The following UGGT2 variants were observed in gnomAD, a reference collection of about 807,000 sequenced individuals.
UGGT2 encodes the protein UDP-glucose glycoprotein glucosyltransferase 2, also known as UDP-glucose:glycoprotein glucosyltransferase 2.
UGGT2 carries 180 observed loss-of-function variants against 192.1 expected under a neutral mutation model. The observed-to-expected ratio is 0.94, with a 90% CI of 0.83 to 1.06. The LOEUF is 1.06. Ranked by LOEUF, UGGT2 falls within the 50% of genes least tolerant of loss-of-function variation. The pLI is 0.00. For synonymous variants in UGGT2, 580 were observed against 591.0 expected (o/e 0.98, Z 0.27); for missense variants, 1,849 against 1,795.7 (o/e 1.03, Z -0.54).
chr13:96,051,978 G>A (rs1015986584), intron 1 of UGGT2, among the ~76,000 whole-genome samples: 3 of 152,100 alleles, frequency 2.0e-5, no homozygotes, highest in African/African-American at 4.8e-5. Context: ...CCACTACTAG[G>A]TATCTACCCA....
chr13:95,891,296 C>T (rs560868336), intron 24 of UGGT2, among the ~76,000 whole-genome samples: 3 of 152,130 alleles, frequency 2.0e-5, no homozygotes, highest in East Asian at 1.9e-4. Context: ...AGCTAAGATG[C>T]TTTTGTGTTA....
intron 1 of UGGT2, among the ~76,000 whole-genome samples, chr13:96,052,905 G>C (rs1490696449): frequency 6.6e-6 from 1 of 152,240 alleles, no homozygotes. Flanking sequence ...TATTAAAGCA[G>C]GGCAGGGAAG....
In UGGT2 at chr13:95,801,698, C is replaced by T. The variant is rs1884064910; in HGVS notation, c.*92G>A. 4 of 1,339,402 alleles carry T rather than the reference C, an allele frequency of 3.0e-6. No homozygotes were observed. In the South Asian group the frequency reaches 5.2e-5, roughly 17 times the overall value. The allele number at this position is 1,339,402 out of a possible 1,614,324, so 83.0% of individuals were successfully genotyped here. A position where few individuals can be genotyped will look rare whatever the true frequency, so the allele number is the denominator to read the frequency against. The stretch of plus-strand genomic sequence containing the variant: ...GAATATGTCACTGATCTTAACGAGA[C>T]TTCCAAATCGTCTCAGCAGGGGCTC... On this transcript the variant is annotated 3_prime_UTR_variant, in exon 39 of 39. Transcript: ENST00000376747.
intron 2 of UGGT2, among the ~76,000 whole-genome samples, chr13:96,028,721 G>C (rs1329705579): frequency 1.3e-5 from 2 of 152,150 alleles, no homozygotes; most frequent in Non-Finnish European, 2.9e-5. Context: ...TAGGCAGGTG[G>C]ATCACTAAGA....
At chr13:95,894,798 A>G in intron 23 of UGGT2, 141 bp from the exon 24 acceptor site, 1 of 629,720 alleles carries the variant, frequency 1.6e-6, no homozygotes, top group Non-Finnish European at 2.7e-6. Context: ...AGACCTACGT[A>G]TAATAGCATT....
chr13:95,826,639 CTA>C (rs375247442), intron 38 of UGGT2, among the ~76,000 whole-genome samples: 588 of 150,594 alleles, frequency 3.9e-3, no homozygotes, highest in Middle Eastern at 0.014. Flanking sequence ...AAAGCTTAAA[CTA>C]TATATATATA....
chr13:95,869,009 A>G (rs1044964964), intron 29 of UGGT2, among the ~76,000 whole-genome samples: 11 of 150,388 alleles, frequency 7.3e-5, no homozygotes, highest in African/African-American at 2.4e-4. Flanking sequence ...AACATTAGGT[A>G]TATCTCCTAA....
At chr13:96,035,696 C>A (rs2052980825) in intron 1 of UGGT2, among the ~76,000 whole-genome samples, 1 of 149,558 alleles carries the variant, frequency 6.7e-6, no homozygotes, top group African/African-American at 2.5e-5. Flanking sequence ...CTATAAGGAA[C>A]TTCAACAAAT....
At chr13:95,979,064 TA>T (rs1333208906) in intron 10 of UGGT2, among the ~76,000 whole-genome samples, 2 of 152,206 alleles carry the variant, frequency 1.3e-5, no homozygotes, top group African/African-American at 4.8e-5. Context: ...TGCTGAATCA[TA>T]AAAAGTTACC....
chr13:95,906,554 T>C (rs930271815), intron 20 of UGGT2, among the ~76,000 whole-genome samples: 3 of 152,162 alleles, frequency 2.0e-5, no homozygotes, highest in Non-Finnish European at 4.4e-5. Context: ...TAGAAGATAC[T>C]TTTAAAAACT....
chr13:95,805,401 T>G (rs189329674), intron 38 of UGGT2, among the ~76,000 whole-genome samples: 1 of 152,262 alleles, frequency 6.6e-6, no homozygotes, highest in African/African-American at 2.4e-5. Flanking sequence ...AATATTCATA[T>G]GATTTGGCAA....
intron 29 of UGGT2, among the ~76,000 whole-genome samples, chr13:95,873,834 T>C (rs1891431844): frequency 6.6e-6 from 1 of 152,082 alleles, no homozygotes; most frequent in African/African-American, 2.4e-5. Flanking sequence ...CAGGCAAACA[T>C]AAACTGGACA....
At position 95,972,640 on chromosome 13, in the gene UGGT2, C is replaced by T; in HGVS notation, c.1124G>A (p.Gly375Asp). 1 of 1,613,766 alleles carries T rather than the reference C, an allele frequency of 6.2e-7. No individual in the cohort carries two copies. Among genetic ancestry groups the T allele is most frequent in the African/African-American group, 1.3e-5 (1 of 75,012 alleles). ...GCCATTTATAAATAGACGAGCATCG[C>T]CTGGCTGAATTTTAAATCTAACTTG... is the stretch of plus-strand genomic sequence containing the variant. Reference protein sequence around the residue: ...DLQVRFKIQPGDARLFINGLR... With the variant: ...DLQVRFKIQPDDARLFINGLR... The change falls in exon 11 of 39, where the codon GGC becomes GAC. Residue 375 changes from glycine (G) to aspartate (D), a missense_variant. Coordinates refer to ENST00000376747, the MANE Select transcript of UGGT2 (RefSeq NM_020121.4).
chr13:95,964,554 T>C (rs543566867), intron 12 of UGGT2, among the ~76,000 whole-genome samples: 2 of 152,196 alleles, frequency 1.3e-5, no homozygotes, highest in Middle Eastern at 6.8e-3. Context: ...TTGCAAACTA[T>C]TGCTACAGGG....
chr13:95,929,531 A>G (rs1358100227), intron 17 of UGGT2, among the ~76,000 whole-genome samples: 2 of 152,198 alleles, frequency 1.3e-5, no homozygotes, highest in East Asian at 1.9e-4. Flanking sequence ...GCTCCCACTC[A>G]TAAGAGAGAA....
chr13:95,946,975 C>A, intron 15 of UGGT2, 62 bp downstream of exon 15: 2 of 1,416,248 alleles, frequency 1.4e-6, no homozygotes, highest in Non-Finnish European at 1.9e-6. Flanking sequence ...CTAAAGAAAT[C>A]ATAATATAGT....
rs536021592 is a variant in UGGT2, at chr13:95,932,638, T to C, written c.1977+4286A>G. ...CTTCCAGTACTATGATGAATAGGAA[T>C]AGTGAGACTGGGCATCCTTTTCCTG... On this transcript the variant is annotated intron_variant, in intron 17 of 38. Coordinates refer to ENST00000376747, the MANE Select transcript of UGGT2 (RefSeq NM_020121.4). 2.0e-5 allele frequency among the ~76,000 whole-genome samples: 3 copies of C among 152,280 alleles called. No homozygotes were observed. The South Asian group carries it at 6.2e-4, about 32-fold the overall frequency.
At chr13:95,951,886 C>T (rs2050073648) in intron 12 of UGGT2, among the ~76,000 whole-genome samples, 1 of 151,884 alleles carries the variant, frequency 6.6e-6, no homozygotes, top group Non-Finnish European at 1.5e-5. Context: ...AGTGAAACCC[C>T]ATCTCTACTA....
At chr13:96,046,897 G>C (rs530004173) in intron 1 of UGGT2, among the ~76,000 whole-genome samples, 8 of 152,140 alleles carry the variant, frequency 5.3e-5, no homozygotes, top group Admixed American at 5.2e-4. Context: ...AGATCCAACC[G>C]CAAGGCAGCA....
Sources: gnomAD v4.1 joint callset for allele counts (sites outside exome capture counted in the v4.1 genomes callset) on GRCh38, gnomAD v4.1.1 for gene constraint, MANE v1.5 for transcripts, NCBI Gene and HGNC (gene_info 2026-07-23, HGNC 2026-07-21) for gene names.